SFMBT2: variants seen among roughly 807,000 people sequenced by gnomAD.
SFMBT2 encodes the protein Scm like with four mbt domains 2.
Under a neutral mutation model 110.1 loss-of-function variants are expected in SFMBT2, and 38 were observed. That is an observed-to-expected ratio of 0.35 (90% confidence interval 0.27 to 0.45). The LOEUF is 0.45. Among genes scored for constraint, SFMBT2 ranks in the 20% least tolerant of loss-of-function variants. The pLI, the probability that SFMBT2 is intolerant of heterozygous loss-of-function variation, is 1.00. For synonymous variants in SFMBT2, 425 were observed against 425.4 expected (o/e 1.00, Z 0.01); for missense variants, 1,011 against 1,094.9 (o/e 0.92, Z 1.08).
rs1170226238 is a variant in SFMBT2 at position 7,159,642 on chromosome 10, C to A, written c.*4128G>T. 6.6e-6 allele frequency: 1 copy of A among 152,080 alleles called. No individual in the cohort carries two copies. Among genetic ancestry groups the A allele is most frequent in the African/African-American group, 2.4e-5 (1 of 41,400 alleles). 9.4% of individuals were successfully genotyped at this position (152,080 alleles called of 1,614,324 possible). ...GACTATGTTGCCTTTCAAATAATTG[C>A]ACGCACGATCACAGCTTTCTAAAGA... On this transcript the variant is annotated 3_prime_UTR_variant, in exon 21 of 21. Coordinates refer to ENST00000397167, the MANE Select transcript of SFMBT2 (RefSeq NM_001387889.1).
At chr10:7,388,524 ATTTTTTTTTTTT>A (rs60231769) in intron 1 of SFMBT2, among the ~76,000 whole-genome samples, 1 of 112,094 alleles carries the variant, frequency 8.9e-6, no homozygotes, top group Non-Finnish European at 1.8e-5. Context: ...TACCCAGCTA[ATTTTTTTTTTTT>A]TTTTTTTTTT....
intron 7 of SFMBT2, among the ~76,000 whole-genome samples, chr10:7,258,044 A>G (rs1213218132): frequency 6.6e-6 from 1 of 152,112 alleles, no homozygotes; most frequent in Non-Finnish European, 1.5e-5. Flanking sequence ...CAATACTTCC[A>G]CCTCAGCCTC....
intron 9 of SFMBT2, among the ~76,000 whole-genome samples, chr10:7,237,817 G>A (rs1454497934): frequency 6.6e-6 from 1 of 152,186 alleles, no homozygotes; most frequent in Non-Finnish European, 1.5e-5. Context: ...ATACTGCAGG[G>A]AAGGAGATGC....
intron 8 of SFMBT2, 25 bp downstream of exon 8, chr10:7,248,523 C>G (rs769997634): frequency 2.5e-6 from 4 of 1,595,930 alleles, no homozygotes; most frequent in Non-Finnish European, 3.4e-6. Flanking sequence ...GGGGCTGGGT[C>G]GAAGAGCGAG....
intron 7 of SFMBT2, among the ~76,000 whole-genome samples, chr10:7,254,751 C>A (rs1840940124): frequency 6.6e-6 from 1 of 152,068 alleles, no homozygotes; most frequent in East Asian, 1.9e-4. Flanking sequence ...TCGCTTGAAC[C>A]CGGGAGGTGG....
At chr10:7,202,070 C>T (rs1838972482) in intron 13 of SFMBT2, among the ~76,000 whole-genome samples, 1 of 152,210 alleles carries the variant, frequency 6.6e-6, no homozygotes, top group East Asian at 1.9e-4. Flanking sequence ...TTCTGCCTCC[C>T]AAGCCTGGGC....
intron 16 of SFMBT2, among the ~76,000 whole-genome samples, 176 bp downstream of exon 16, chr10:7,188,448 A>G (rs1402180884): frequency 6.6e-6 from 1 of 152,236 alleles, no homozygotes; most frequent in African/African-American, 2.4e-5. Flanking sequence ...GGCTTAAGGC[A>G]ACGCTGTATG....
At chr10:7,393,460 G>A (rs898824005) in intron 1 of SFMBT2, among the ~76,000 whole-genome samples, 1 of 152,094 alleles carries the variant, frequency 6.6e-6, no homozygotes, top group Non-Finnish European at 1.5e-5. Context: ...TAATTAAATT[G>A]GGGTCATTTA....
chr10:7,237,481 G>T (rs1294598136), intron 9 of SFMBT2, among the ~76,000 whole-genome samples: 9 of 152,174 alleles, frequency 5.9e-5, no homozygotes, highest in Non-Finnish European at 1.0e-4. Flanking sequence ...TAAAAACAAT[G>T]ATACTGGTAA....
chr10:7,224,148 T>C (rs1839832281), intron 10 of SFMBT2, among the ~76,000 whole-genome samples: 1 of 152,240 alleles, frequency 6.6e-6, no homozygotes, highest in Non-Finnish European at 1.5e-5. Context: ...ATATTTTAAA[T>C]GTTATGTTGT....
intron 20 of SFMBT2, among the ~76,000 whole-genome samples, chr10:7,165,535 A>G (rs1364366294): frequency 6.6e-6 from 1 of 152,260 alleles, no homozygotes; most frequent in Non-Finnish European, 1.5e-5. Context: ...ATATTCCCTA[A>G]TAAGTACTGT....
At chr10:7,286,466 GT>G (rs1418333071) in intron 4 of SFMBT2, 1 of 601,936 alleles carries the variant, frequency 1.7e-6, no homozygotes, top group African/African-American at 2.0e-5. Flanking sequence ...AGAATAAGTA[GT>G]CCCCTCCATA....
intron 4 of SFMBT2, among the ~76,000 whole-genome samples, chr10:7,345,762 G>A (rs1445713670): frequency 2.6e-5 from 4 of 152,086 alleles, no homozygotes; most frequent in Non-Finnish European, 5.9e-5. Context: ...ACACAGAAGT[G>A]TGTCCTTCCC....
chr10:7,307,726 A>T (rs2131894629), intron 4 of SFMBT2, among the ~76,000 whole-genome samples: 1 of 152,354 alleles, frequency 6.6e-6, no homozygotes, highest in Non-Finnish European at 1.5e-5. Flanking sequence ...AAGCTGTTGG[A>T]GAACAAGAAT....
At chr10:7,267,927 C>T (rs1841447852) in intron 7 of SFMBT2, among the ~76,000 whole-genome samples, 1 of 152,144 alleles carries the variant, frequency 6.6e-6, no homozygotes, top group Non-Finnish European at 1.5e-5. Flanking sequence ...TTTCTGTATT[C>T]CTCTAAGGAA....
intron 4 of SFMBT2, among the ~76,000 whole-genome samples, chr10:7,296,241 C>T (rs1453365079): frequency 2.0e-5 from 3 of 152,194 alleles, no homozygotes; most frequent in Admixed American, 1.3e-4. Flanking sequence ...CTGCTTTAAA[C>T]ATTTTCCTGC....
At chr10:7,376,727 CAAAAAAAAAAAAA>C (rs35816107) in intron 2 of SFMBT2, among the ~76,000 whole-genome samples, 21,588 of 44,872 alleles carry the variant, frequency 0.48, 4,060 homozygotes, top group South Asian at 0.68. Flanking sequence ...GGCCCTCCCA[CAAAAAAAAAAAAA>C]AAAAAAAAAA....
intron 16 of SFMBT2, among the ~76,000 whole-genome samples, chr10:7,177,397 A>G (rs537595996): frequency 1.3e-4 from 20 of 152,270 alleles, no homozygotes; most frequent in African/African-American, 4.6e-4. Context: ...GGGGCCTCAC[A>G]TAGGAGACCT....
chr10:7,198,519 T>C (rs1382255164), intron 14 of SFMBT2, among the ~76,000 whole-genome samples: 2 of 152,232 alleles, frequency 1.3e-5, no homozygotes, highest in Non-Finnish European at 2.9e-5. Context: ...TTGACACTCT[T>C]GTTAGCACCA....
Sources: allele counts gnomAD v4.1 joint callset (sites outside exome capture counted in the v4.1 genomes callset), GRCh38; gene constraint gnomAD v4.1.1; transcripts MANE v1.5; gene names NCBI Gene and HGNC (gene_info 2026-07-23, HGNC 2026-07-21).